Variants in RBM23 observed in about 807,000 individuals in gnomAD.
RBM23 encodes RNA binding motif protein 23.
Under a neutral mutation model 56.2 loss-of-function variants are expected in RBM23, and 53 were observed. The observed-to-expected ratio is 0.94, with a 90% CI of 0.76 to 1.19. The LOEUF is 1.19. Among genes scored for constraint, RBM23 ranks in the 50% most tolerant of loss-of-function variants. RBM23 has a pLI of 0.00. For missense variants in RBM23, 642 were observed against 590.3 expected, an observed-to-expected ratio of 1.09 and a Z score of -0.91; for synonymous variants, 197 against 198.5, an observed-to-expected ratio of 0.99 and a Z score of 0.06.
At chr14:22,901,940 A>AT (rs774469832) in intron 12 of RBM23, 40 bp downstream of exon 12, 12 of 1,611,622 alleles carry the variant, frequency 7.4e-6, no homozygotes, top group Admixed American at 1.7e-5. Context: ...TTCTTTCCAG[A>AT]CCCCCAAACC....
intron 10 of RBM23, chr14:22,903,844 G>A: frequency 9.0e-7 from 1 of 1,114,192 alleles, no homozygotes; most frequent in Non-Finnish European, 1.1e-6. Context: ...TGCAGAAATT[G>A]CTTCAAATGG....
In RBM23 at chr14:22,909,527, A is replaced by C. The variant is rs563407980; in HGVS notation, c.135T>G (p.Ser45Arg). 6.2e-7 allele frequency: 1 copy of C among 1,613,424 alleles called. No homozygotes were observed. Among genetic ancestry groups the C allele is most frequent in the Non-Finnish European group, 8.5e-7 (1 of 1,179,982 alleles). ...TGCTGCTTCCACTGGTCTCATTGCCACTGTTGCTGGTGCTGCTGGTGGTAT... is the reference window on the plus strand; with the variant it reads ...TGCTGCTTCCACTGGTCTCATTGCCCCTGTTGCTGGTGCTGCTGGTGGTAT... ...PSNTTSSTSN[S>R]GNETSGSSTI... The change falls in exon 3 of 14, where the codon AGT (serine) becomes AGG (arginine). Residue 45 changes from serine to arginine, a missense_variant. Ser to Arg is a moderately radical substitution (Grantham distance 110, BLOSUM62 -1). Coordinates refer to ENST00000359890, the MANE Select transcript of RBM23 (RefSeq NM_001077351.2).
chr14:22,905,950 A>G (rs976013099), intron 5 of RBM23: 29 of 601,026 alleles, frequency 4.8e-5, no homozygotes, highest in Non-Finnish European at 7.9e-5. Flanking sequence ...GGGTTTCGCC[A>G]TGTTGTCCTG....
At position 22,896,148 on chromosome 14, in the gene RBM23, G is replaced by A. The variant is rs1453340184; in HGVS notation, c.*5582C>T. 1 of 152,206 alleles carries A rather than the reference G, an allele frequency of 6.6e-6. No homozygotes were observed. The highest frequency in any genetic ancestry group is 1.5e-5 in the Non-Finnish European group (1 of 68,034). 9.4% of individuals were successfully genotyped at this position (152,206 alleles called of 1,614,324 possible). A position where few individuals can be genotyped will look rare whatever the true frequency, so the allele number is the denominator to read the frequency against. On this transcript the variant is annotated 3_prime_UTR_variant, in exon 14 of 14. Coordinates refer to ENST00000359890, the MANE Select transcript of RBM23 (RefSeq NM_001077351.2). ...AGAAAATCAAGTGAGTAGGCATCCA[G>A]AGGAGTGAAAATACTGAGGACAGTA...
rs1033675962 is a variant in RBM23 at position 22,896,256 on chromosome 14, A to G, written c.*5474T>C. 1.3e-5 allele frequency: 2 copies of G among 152,140 alleles called. No individual in the cohort carries two copies. Among genetic ancestry groups the G allele is most frequent in the Non-Finnish European group, 2.9e-5 (2 of 68,024 alleles). The allele number at this position is 152,140 out of a possible 1,614,324, so 9.4% of individuals were successfully genotyped here. A position where few individuals can be genotyped will look rare whatever the true frequency, so the allele number is the denominator to read the frequency against. On this transcript the variant is annotated 3_prime_UTR_variant, in exon 14 of 14. Coordinates refer to ENST00000359890, the MANE Select transcript of RBM23 (RefSeq NM_001077351.2). Reference sequence around the variant, plus strand: ...TGTTATCATTTCCTTTTTACAGATGAAGTGTGAGAGAAGTGAAGTAACCTA... The same window carrying G: ...TGTTATCATTTCCTTTTTACAGATGGAGTGTGAGAGAAGTGAAGTAACCTA...
At chr14:22,909,370 C>T (rs2042086613) in intron 3 of RBM23, 113 bp downstream of exon 3, 2 of 815,066 alleles carry the variant, frequency 2.5e-6, no homozygotes, top group Non-Finnish European at 4.2e-6. Context: ...GGAGCCATTA[C>T]TAACAGTCAG....
rs142757873 is a variant in RBM23, at chr14:22,908,222, T to C, written c.227+111A>G. ...TTTTTGTAGAGACAGGATTTTGCTA[T>C]GTTGCCCAGGCTGGTTTTGAACTCC... On this transcript the variant is annotated intron_variant, in intron 4 of 13. Transcript: ENST00000359890. The C allele has an allele frequency of 3.4e-4, 406 of 1,195,860 alleles. 3 individuals are homozygous for C. The African/African-American group carries it at 5.6e-3, about 17-fold the overall frequency. The allele number at this position is 1,195,860 out of a possible 1,614,324, so 74.1% of individuals were successfully genotyped here.
In RBM23 at chr14:22,894,086, A is replaced by G. The variant is rs1422081288; in HGVS notation, c.*7644T>C. Reference sequence around the variant, plus strand: ...TCATGAGGACTAAATAAAAGAGCAAAGATCTTTGTAATTTCTCAAGCATTA... The same window carrying G: ...TCATGAGGACTAAATAAAAGAGCAAGGATCTTTGTAATTTCTCAAGCATTA... On this transcript the variant is annotated 3_prime_UTR_variant, in exon 14 of 14. Transcript: ENST00000359890. 1.3e-5 allele frequency: 2 copies of G among 152,246 alleles called. No individual in the cohort carries two copies. The highest frequency in any genetic ancestry group is 4.8e-5 in the African/African-American group (2 of 41,458). The allele number at this position is 152,246 out of a possible 1,614,324, so 9.4% of individuals were successfully genotyped here.
At position 22,899,234 on chromosome 14, in the gene RBM23, G is replaced by A. The variant is rs1023462943; in HGVS notation, c.*2496C>T. The A allele has an allele frequency of 2.0e-5, 3 of 152,216 alleles. No individual in the cohort carries two copies. The highest frequency in any genetic ancestry group is 4.4e-5 in the Non-Finnish European group (3 of 68,050). The allele number at this position is 152,216 out of a possible 1,614,324, so 9.4% of individuals were successfully genotyped here. A position where few individuals can be genotyped will look rare whatever the true frequency, so the allele number is the denominator to read the frequency against. The stretch of plus-strand genomic sequence containing the variant: ...ACTATCACACAGCAGGTTATCATGA[G>A]AGAGGGCTGTTATAAAGCAAGTTTG... On this transcript the variant is annotated 3_prime_UTR_variant, in exon 14 of 14. Coordinates refer to ENST00000359890, the MANE Select transcript of RBM23 (RefSeq NM_001077351.2).
At chr14:22,917,927 A>G (rs2043844936) in intron 1 of RBM23, 1 of 152,282 alleles carries the variant, frequency 6.6e-6, no homozygotes, top group Non-Finnish European at 1.5e-5. Flanking sequence ...CCAATTCGGG[A>G]AGAATTCACG....
At chr14:22,912,203 C>T (rs919181993) in intron 1 of RBM23, among the ~76,000 whole-genome samples, 8 of 152,068 alleles carry the variant, frequency 5.3e-5, no homozygotes, top group African/African-American at 1.9e-4. Context: ...CAAATATAGG[C>T]ACATTATGTC....
In RBM23 at chr14:22,910,710, A is replaced by T. The variant is rs537333539; in HGVS notation, c.66+618T>A. 2.0e-5 allele frequency among the ~76,000 whole-genome samples: 3 copies of T among 152,054 alleles called. No individual in the cohort carries two copies. In the South Asian group the frequency reaches 6.2e-4, roughly 32 times the overall value. On this transcript the variant is annotated intron_variant, in intron 2 of 13. Transcript: ENST00000359890. ...ATAGCAAGACCCTGTCTCTATAAAAAATATATTAAAAAAGAAACTGGGACG... is the reference window on the plus strand; with the variant it reads ...ATAGCAAGACCCTGTCTCTATAAAATATATATTAAAAAAGAAACTGGGACG...
chr14:22,903,102 G>T, intron 10 of RBM23: 1 of 985,406 alleles, frequency 1.0e-6, no homozygotes, highest in Non-Finnish European at 1.2e-6. Flanking sequence ...TAAGTACTAG[G>T]AATCTGGAAC....
rs564574136 is a variant in RBM23, at chr14:22,904,556, T to C, written c.865-230A>G. ...TTTTTTCCGAGGCTCACTACAGCCT[T>C]GACCTCCCAGGCTCAAGTGACCCTC... is the stretch of plus-strand genomic sequence containing the variant. On this transcript the variant is annotated intron_variant, in intron 9 of 13. Transcript: ENST00000359890. 1.7e-3 allele frequency among the ~76,000 whole-genome samples: 266 copies of C among 152,024 alleles called. 1 individual carries two copies. The highest frequency in any genetic ancestry group is 3.3e-3 in the Non-Finnish European group (222 of 67,930).
rs928617523 is a variant in RBM23 at position 22,898,615 on chromosome 14, G to C, written c.*3115C>G. 2 of 152,002 alleles carry C rather than the reference G, an allele frequency of 1.3e-5. No individual in the cohort carries two copies. Among genetic ancestry groups the C allele is most frequent in the Non-Finnish European group, 2.9e-5 (2 of 68,024 alleles). The allele number at this position is 152,002 out of a possible 1,614,324, so 9.4% of individuals were successfully genotyped here. On this transcript the variant is annotated 3_prime_UTR_variant, in exon 14 of 14. Coordinates refer to ENST00000359890, the MANE Select transcript of RBM23 (RefSeq NM_001077351.2). ...TGGAGTAAGACTGGAAATTGTCTTA[G>C]ATACGTCCTTACTTCCAACATTGTC... is the stretch of plus-strand genomic sequence containing the variant.
In RBM23 at chr14:22,900,112, T is replaced by A. The variant is rs1758466561; in HGVS notation, c.*1618A>T. The A allele has an allele frequency of 6.6e-6, 1 of 152,094 alleles. No homozygotes were observed. The highest frequency in any genetic ancestry group is 2.4e-5 in the African/African-American group (1 of 41,394). 9.4% of individuals were successfully genotyped at this position (152,094 alleles called of 1,614,324 possible). Reference sequence around the variant, plus strand: ...ATTCACTGGTCCCAGGCCTGTGTTATCCCAGGCAGAGCCACATGGAAAGCA... The same window carrying A: ...ATTCACTGGTCCCAGGCCTGTGTTAACCCAGGCAGAGCCACATGGAAAGCA... On this transcript the variant is annotated 3_prime_UTR_variant, in exon 14 of 14. Coordinates refer to ENST00000359890, the MANE Select transcript of RBM23 (RefSeq NM_001077351.2).
rs1337630108 is a variant in RBM23 at position 22,893,854 on chromosome 14, T to C, written c.*7876A>G. 1 of 152,128 alleles carries C rather than the reference T, an allele frequency of 6.6e-6. No homozygotes were observed. Among genetic ancestry groups the C allele is most frequent in the Non-Finnish European group, 1.5e-5 (1 of 68,026 alleles). 9.4% of individuals were successfully genotyped at this position (152,128 alleles called of 1,614,324 possible). On this transcript the variant is annotated 3_prime_UTR_variant, in exon 14 of 14. Coordinates refer to ENST00000359890, the MANE Select transcript of RBM23 (RefSeq NM_001077351.2). ...AGGTCCCTTTTCATCTATTTGAATA[T>C]TGATGTCAAGTTTCCACAGCTTAGT...
At chr14:22,910,237 G>T (rs1243865828) in intron 2 of RBM23, among the ~76,000 whole-genome samples, 1 of 144,604 alleles carries the variant, frequency 6.9e-6, no homozygotes, top group Non-Finnish European at 1.5e-5. Flanking sequence ...CAAGGCAGGC[G>T]GGTCACCTGA....
In RBM23 at chr14:22,908,733, C is replaced by T. The variant is rs528792036; in HGVS notation, c.180-353G>A. The T allele has an allele frequency of 4.1e-4, 72 of 177,498 alleles. 3 individuals carry two copies. In the South Asian group the frequency reaches 8.3e-3, roughly 20 times the overall value. 11.0% of individuals were successfully genotyped at this position (177,498 alleles called of 1,614,324 possible). On this transcript the variant is annotated intron_variant, in intron 3 of 13. Transcript: ENST00000359890. ...GTGTAAATTCTTAAAGAGAAGGTTTCGTTATTGCTGCCAAAGAAAAGGAAT... is the reference window on the plus strand; with the variant it reads ...GTGTAAATTCTTAAAGAGAAGGTTTTGTTATTGCTGCCAAAGAAAAGGAAT...
Sources: allele counts gnomAD v4.1 joint callset (sites outside exome capture counted in the v4.1 genomes callset), GRCh38; gene constraint gnomAD v4.1.1; transcripts MANE v1.5; gene names NCBI Gene and HGNC (gene_info 2026-07-23, HGNC 2026-07-21).